Variants in RPE observed in about 807,000 individuals in gnomAD.
The protein encoded by RPE is ribulose-phosphate 3-epimerase.
In RPE, 16 loss-of-function variants were observed where a neutral mutation model predicts 24.6. The ratio of observed to expected loss-of-function variants is 0.65; its 90% CI spans 0.44 to 0.99. The LOEUF (loss-of-function observed/expected upper bound fraction) is 0.99, where lower values mean the gene tolerates loss of function less well. RPE is among the 50% of genes least tolerant of loss of function. RPE has a pLI of 0.00. For missense variants in RPE, 240 were observed against 294.5 expected, an observed-to-expected ratio of 0.81 and a Z score of 1.35; for synonymous variants, 93 against 98.4, an observed-to-expected ratio of 0.94 and a Z score of 0.33.
At chr2:210,003,993 T>C (rs2093597421) in intron 1 of RPE, among the ~76,000 whole-genome samples, 1 of 152,240 alleles carries the variant, frequency 6.6e-6, no homozygotes, top group Non-Finnish European at 1.5e-5. Flanking sequence ...AAATATTACC[T>C]CTCACAAAGG....
At chr2:210,013,385 A>G (rs1467487958) in intron 2 of RPE, among the ~76,000 whole-genome samples, 1 of 143,014 alleles carries the variant, frequency 7.0e-6, no homozygotes, top group East Asian at 2.0e-4. Context: ...TTCATACCTC[A>G]CTGAAGCCTC....
At chr2:210,012,573 G>A (rs1360544180) in intron 2 of RPE, among the ~76,000 whole-genome samples, 1 of 152,206 alleles carries the variant, frequency 6.6e-6, no homozygotes, top group Non-Finnish European at 1.5e-5. Flanking sequence ...AAAACCACTT[G>A]CACCATAGAG....
chr2:210,007,719 T>A lies in RPE; in HGVS notation c.123-1938T>A, dbSNP rs565652854. On this transcript the variant is annotated intron_variant, in intron 1 of 5. Coordinates refer to ENST00000359429, the MANE Select transcript of RPE (RefSeq NM_199229.3). ...TCTTAACGTTCTCTAATACTTGCTC[T>A]TATTTTATGTATGTTTTATCTATAA... Among the ~76,000 whole-genome samples, 29 of 152,370 alleles carry A rather than the reference T, an allele frequency of 1.9e-4. 1 individual carries two copies. In the South Asian group the frequency reaches 3.7e-3, roughly 20 times the overall value.
intron 5 of RPE, 196 bp downstream of exon 5, chr2:210,017,755 T>A (rs974799494): frequency 2.7e-5 from 17 of 623,022 alleles, no homozygotes; most frequent in Non-Finnish European, 4.7e-5. Context: ...TTTTTTTTTT[T>A]TCTTTTTCTG....
intron 1 of RPE, among the ~76,000 whole-genome samples, chr2:210,003,016 T>G (rs1327832331): frequency 6.6e-6 from 1 of 152,172 alleles, no homozygotes; most frequent in Non-Finnish European, 1.5e-5. Context: ...TCCCCCCACG[T>G]AACGTGTGGT....
intron 1 of RPE, among the ~76,000 whole-genome samples, chr2:210,009,079 A>G (rs1410408817): frequency 1.3e-5 from 2 of 152,228 alleles, no homozygotes; most frequent in Admixed American, 1.3e-4. Flanking sequence ...TTCAAAGGGG[A>G]TAATAATAGC....
Position 210,016,001 on chromosome 2 carries a change from A to G in RPE, c.231A>G (p.Glu77=), listed in dbSNP as rs1390801010. The G allele has an allele frequency of 3.7e-6, 6 of 1,614,222 alleles. No individual in the cohort carries two copies. Among genetic ancestry groups the G allele is most frequent in the Non-Finnish European group, 5.1e-6 (6 of 1,180,052 alleles). Residue 77 remains glutamate, a synonymous_variant, in exon 3 of 6, where the codon GAA becomes GAG. Coordinates refer to ENST00000359429, the MANE Select transcript of RPE (RefSeq NM_199229.3). The stretch of plus-strand genomic sequence containing the variant: ...TGCACATGATGGTGTCCAAGCCAGA[A>G]CAGTGGGTAAAGCCAATGGCTGTAG... ...FDMHMMVSKP[E]QWVKPMAVAG...
rs1450484661 is a variant in RPE, at chr2:210,021,197, T to C, written c.*1406T>C. 2 of 152,138 alleles carry C rather than the reference T, an allele frequency of 1.3e-5. No homozygotes were observed. The highest frequency in any genetic ancestry group is 6.6e-5 in the Admixed American group (1 of 15,266). 9.4% of individuals were successfully genotyped at this position (152,138 alleles called of 1,614,324 possible). On this transcript the variant is annotated 3_prime_UTR_variant, in exon 6 of 6. Coordinates refer to ENST00000359429, the MANE Select transcript of RPE (RefSeq NM_199229.3). ...AAATACTCTTGCTGTGTTATAAATA[T>C]GGCAAGAAATAAACATGACCAATAT... is the stretch of plus-strand genomic sequence containing the variant.
chr2:210,013,223 T>C (rs893019666), intron 2 of RPE, among the ~76,000 whole-genome samples: 5 of 152,102 alleles, frequency 3.3e-5, no homozygotes, highest in African/African-American at 1.2e-4. Flanking sequence ...TGTGAGAATA[T>C]AGGTGTCTTC....
At chr2:210,008,494 C>A (rs1412025217) in intron 1 of RPE, among the ~76,000 whole-genome samples, 2 of 151,788 alleles carry the variant, frequency 1.3e-5, no homozygotes, top group South Asian at 2.1e-4. Flanking sequence ...CGGAGTTTCA[C>A]CATGTTGGCC....
chr2:210,005,636 A>G (rs1378058799), intron 1 of RPE, among the ~76,000 whole-genome samples: 1 of 152,038 alleles, frequency 6.6e-6, no homozygotes, highest in Non-Finnish European at 1.5e-5. Context: ...TTGGGGGAAA[A>G]AAAAAAACAG....
In RPE at chr2:210,016,028, A is replaced by G. The variant is rs761990913; in HGVS notation, c.258A>G (p.Ala86=). Residue 86 remains alanine (A), a synonymous_variant, in exon 3 of 6, where the codon GCA becomes GCG. Coordinates refer to ENST00000359429, the MANE Select transcript of RPE (RefSeq NM_199229.3). Reference sequence around the variant, plus strand: ...AGTGGGTAAAGCCAATGGCTGTAGCAGGAGCCAATCAGTACACCTTTCATC... The same window carrying G: ...AGTGGGTAAAGCCAATGGCTGTAGCGGGAGCCAATCAGTACACCTTTCATC... The part of the protein sequence containing the change: ...PEQWVKPMAV[A]GANQYTFHLE... 13 of 1,614,116 alleles carry G rather than the reference A, an allele frequency of 8.1e-6. No homozygotes were observed. The highest frequency in any genetic ancestry group is 8.0e-5 in the African/African-American group (6 of 74,940).
At chr2:210,019,166 TAAAG>T (rs762560668) in intron 5 of RPE, among the ~76,000 whole-genome samples, 9 of 152,234 alleles carry the variant, frequency 5.9e-5, no homozygotes, top group Non-Finnish European at 1.2e-4. Context: ...CAATGAAGTA[TAAAG>T]AGACATTCTA....
At chr2:210,017,954 A>G in intron 5 of RPE, 1 of 574,072 alleles carries the variant, frequency 1.7e-6, no homozygotes, top group Non-Finnish European at 3.0e-6. Flanking sequence ...TATGTTGGCC[A>G]GGCTGGTCTC....
chr2:210,003,765 T>C (rs1419180435), intron 1 of RPE, among the ~76,000 whole-genome samples: 1 of 152,254 alleles, frequency 6.6e-6, no homozygotes, highest in Non-Finnish European at 1.5e-5. Flanking sequence ...TCATTCAGTT[T>C]GCAAATTGGT....
In RPE at chr2:210,010,286, A is replaced by G. The variant is rs575258304; in HGVS notation, c.202+550A>G. Among the ~76,000 whole-genome samples, 274 of 149,496 alleles carry G rather than the reference A, an allele frequency of 1.8e-3. 1 individual carries two copies. The highest frequency in any genetic ancestry group is 2.3e-3 in the Non-Finnish European group (158 of 68,006). On this transcript the variant is annotated intron_variant, in intron 2 of 5. Transcript: ENST00000359429. ...AAGTGGTGCCTAAATATTCACTCCA[A>G]TGTCCTAGTACAATGTAAATTAAGA...
At chr2:210,007,569 G>A (rs564294093) in intron 1 of RPE, among the ~76,000 whole-genome samples, 3 of 152,150 alleles carry the variant, frequency 2.0e-5, no homozygotes, top group Non-Finnish European at 2.9e-5. Flanking sequence ...ACTAGCCAAA[G>A]TTGGTCAATA....
chr2:210,014,591 G>A (rs571059073), intron 2 of RPE, among the ~76,000 whole-genome samples: 23 of 151,368 alleles, frequency 1.5e-4, no homozygotes, highest in African/African-American at 4.1e-4. Context: ...CCAGAAGTTC[G>A]AGACCAGCCT....
At chr2:210,013,591 A>G (rs890872861) in intron 2 of RPE, among the ~76,000 whole-genome samples, 6 of 152,142 alleles carry the variant, frequency 3.9e-5, no homozygotes, top group Admixed American at 1.3e-4. Flanking sequence ...GGTGTGAGCC[A>G]CCAAACCCGC....
Sources: allele counts gnomAD v4.1 joint callset (sites outside exome capture counted in the v4.1 genomes callset), GRCh38; gene constraint gnomAD v4.1.1; transcripts MANE v1.5; gene names NCBI Gene and HGNC (gene_info 2026-07-23, HGNC 2026-07-21).